Variants in CLVS1 observed in about 807,000 individuals in gnomAD.
The protein encoded by CLVS1 is clavesin-1.
CLVS1 carries 10 observed loss-of-function variants against 33.1 expected under a neutral mutation model. The observed-to-expected ratio is 0.30, with a 90% CI of 0.19 to 0.51. The LOEUF is 0.51. Among genes scored for constraint, CLVS1 ranks in the 20% least tolerant of loss-of-function variants. The probability of loss-of-function intolerance (pLI) is 0.97; values close to 1 mark genes in which losing one functional copy is unlikely to be tolerated. For missense variants in CLVS1, 343 were observed against 433.4 expected, an observed-to-expected ratio of 0.79 and a Z score of 1.85; for synonymous variants, 163 against 166.1, an observed-to-expected ratio of 0.98 and a Z score of 0.14.
chr8:61,184,507 C>A (rs780076828), intron 2 of CLVS1, among the ~76,000 whole-genome samples: 5 of 152,120 alleles, frequency 3.3e-5, no homozygotes, highest in Non-Finnish European at 5.9e-5. Context: ...ATGTGGGGTG[C>A]AAGGGGTTAA....
In CLVS1 at chr8:61,218,866, C is replaced by T. The variant is rs906089750; in HGVS notation, c.-151-80811C>T. ...GACTGAGGCAGGATAACCGCTTGAA[C>T]CCGGGAGGTGGAGGCTGTAGTGAGC... On this transcript the variant is annotated intron_variant, in intron 2 of 2. Coordinates refer to the CLVS1 transcript ENST00000522621. 4.0e-5 allele frequency among the ~76,000 whole-genome samples: 6 copies of T among 151,780 alleles called. No individual in the cohort carries two copies. In the East Asian group the frequency reaches 9.7e-4, roughly 24 times the overall value.
chr8:61,122,099 T>A (rs564703627), intron 1 of CLVS1, among the ~76,000 whole-genome samples: 9 of 152,360 alleles, frequency 5.9e-5, no homozygotes, highest in Non-Finnish European at 1.3e-4. Context: ...CTAAAGCCAC[T>A]TTCTTCAGCA....
intron 2 of CLVS1, among the ~76,000 whole-genome samples, chr8:61,212,525 G>T (rs1027247939): frequency 1.3e-5 from 2 of 152,160 alleles, no homozygotes; most frequent in African/African-American, 2.4e-5. Context: ...TGAAAGGCTT[G>T]TGTGGGGGAA....
chr8:61,195,185 C>G (rs560547371), intron 2 of CLVS1, among the ~76,000 whole-genome samples: 1 of 151,090 alleles, frequency 6.6e-6, no homozygotes, highest in African/African-American at 2.4e-5. Flanking sequence ...ATAACAAGAG[C>G]AAAAATTAAT....
chr8:61,472,127 C>T (rs1279613379), intron 5 of CLVS1, among the ~76,000 whole-genome samples: 1 of 152,254 alleles, frequency 6.6e-6, no homozygotes, highest in Non-Finnish European at 1.5e-5. Context: ...CCCCTCTCTT[C>T]CCATCTGCTA....
intron 3 of CLVS1, among the ~76,000 whole-genome samples, chr8:61,439,706 C>G (rs1816470359): frequency 6.6e-6 from 1 of 152,190 alleles, no homozygotes; most frequent in South Asian, 2.1e-4. Flanking sequence ...TGTATAGTCA[C>G]ATTGTCTGTT....
At chr8:61,006,014 A>G in the CLVS1 span, among the ~76,000 whole-genome samples, 1 of 152,200 alleles carries the variant, frequency 6.6e-6, no homozygotes, top group Non-Finnish European at 1.5e-5. Context: ...AAGCATGACA[A>G]TATGGGTGAC....
At chr8:61,478,763 CTT>C (rs1444035214) in intron 5 of CLVS1, among the ~76,000 whole-genome samples, 1 of 152,186 alleles carries the variant, frequency 6.6e-6, no homozygotes, top group African/African-American at 2.4e-5. Context: ...GGTCTTGACT[CTT>C]TATCCAATTT....
upstream of CLVS1, among the ~76,000 whole-genome samples, chr8:61,055,548 C>T (rs1014777974): frequency 1.3e-5 from 2 of 152,206 alleles, no homozygotes; most frequent in Admixed American, 6.5e-5. Context: ...TAATTGAATT[C>T]TCCTTTCTAA....
intron 1 of CLVS1, among the ~76,000 whole-genome samples, chr8:61,119,129 G>C (rs1805803425): frequency 6.6e-6 from 1 of 152,064 alleles, no homozygotes; most frequent in African/African-American, 2.4e-5. Flanking sequence ...TTATGTAATG[G>C]CCTTCTTTGT....
chr8:61,450,597 T>C (rs1399577155), intron 3 of CLVS1, among the ~76,000 whole-genome samples: 1 of 152,222 alleles, frequency 6.6e-6, no homozygotes, highest in Non-Finnish European at 1.5e-5. Flanking sequence ...AGACGTGAAC[T>C]AATTGTTAAG....
chr8:60,970,258 TCTC>T, the CLVS1 span, among the ~76,000 whole-genome samples: 39 of 152,324 alleles, frequency 2.6e-4, 1 homozygote, highest in Admixed American at 2.4e-3. Context: ...CGCCATTCTG[TCTC>T]CTCATCTTCT....
At chr8:61,086,885 AG>A (rs934237331) in intron 1 of CLVS1, among the ~76,000 whole-genome samples, 5 of 152,192 alleles carry the variant, frequency 3.3e-5, no homozygotes, top group African/African-American at 9.6e-5. Context: ...TGCTTGCCTC[AG>A]TGAAGCAGGT....
At chr8:61,230,146 G>A (rs1392688423) in intron 2 of CLVS1, among the ~76,000 whole-genome samples, 1 of 152,180 alleles carries the variant, frequency 6.6e-6, no homozygotes, top group Non-Finnish European at 1.5e-5. Flanking sequence ...AATAAACTAA[G>A]GTTGAGGGGA....
chr8:61,288,293 C>T (rs562162782), intron 1 of CLVS1, 155 bp downstream of exon 1: 1 of 455,944 alleles, frequency 2.2e-6, no homozygotes, highest in Admixed American at 2.3e-5. Flanking sequence ...GCACCGCACC[C>T]CGCTCCCCGC....
chr8:61,093,075 CT>C (rs1234393832), intron 1 of CLVS1, among the ~76,000 whole-genome samples: 1 of 152,202 alleles, frequency 6.6e-6, no homozygotes, highest in African/African-American at 2.4e-5. Flanking sequence ...GACTCCTTTC[CT>C]TTTCTTTCTT....
chr8:61,361,152 A>C (rs1032471170), intron 2 of CLVS1, among the ~76,000 whole-genome samples: 1 of 152,172 alleles, frequency 6.6e-6, no homozygotes, highest in Non-Finnish European at 1.5e-5. Context: ...GGAAGGTGCT[A>C]ACCCATTAAT....
At chr8:60,984,180 G>T in the CLVS1 span, among the ~76,000 whole-genome samples, 1 of 152,126 alleles carries the variant, frequency 6.6e-6, no homozygotes, top group Non-Finnish European at 1.5e-5. Context: ...TCTCATTCCA[G>T]CACCTGCTTT....
At chr8:61,074,979 C>T (rs1029483204) in intron 1 of CLVS1, among the ~76,000 whole-genome samples, 1 of 151,274 alleles carries the variant, frequency 6.6e-6, no homozygotes, top group Non-Finnish European at 1.5e-5. Flanking sequence ...AAATCATCCT[C>T]CCCCCCCTTT....
Sources: gnomAD v4.1 joint callset for allele counts (sites outside exome capture counted in the v4.1 genomes callset) on GRCh38, gnomAD v4.1.1 for gene constraint, MANE v1.5 for transcripts, NCBI Gene and HGNC (gene_info 2026-07-23, HGNC 2026-07-21) for gene names.